NRG1: variants seen among roughly 807,000 people sequenced by gnomAD.
The protein encoded by NRG1 is neuregulin 1.
NRG1 carries 18 observed loss-of-function variants against 63.8 expected under a neutral mutation model. The observed-to-expected ratio is 0.28, with a 90% CI of 0.19 to 0.42. The LOEUF (loss-of-function observed/expected upper bound fraction) is 0.42. Ranked by LOEUF, NRG1 falls within the 10% of genes least tolerant of loss-of-function variation. The probability of loss-of-function intolerance (pLI) is 1.00; values close to 1 mark genes in which losing one functional copy is unlikely to be tolerated. For synonymous variants in NRG1, 302 were observed against 301.3 expected, an observed-to-expected ratio of 1.00 and a Z score of -0.02; for missense variants, 762 against 814.7, an observed-to-expected ratio of 0.94 and a Z score of 0.79.
At chr8:31,868,514 T>C (rs1365944291) in intron 1 of NRG1, among the ~76,000 whole-genome samples, 1 of 152,132 alleles carries the variant, frequency 6.6e-6, no homozygotes, top group Non-Finnish European at 1.5e-5. Flanking sequence ...AGACCTACAT[T>C]TGTCAGTGAC....
intron 1 of NRG1, among the ~76,000 whole-genome samples, chr8:31,879,570 A>G (rs1170099523): frequency 6.6e-6 from 1 of 152,162 alleles, no homozygotes; most frequent in Non-Finnish European, 1.5e-5. Flanking sequence ...TTATTTAAAA[A>G]ATGTGATTTT....
chr8:32,608,083 G>GTTTT (rs372730003), intron 3 of NRG1, among the ~76,000 whole-genome samples: 6 of 99,324 alleles, frequency 6.0e-5, no homozygotes, highest in African/African-American at 2.7e-4. Context: ...ATGAACCCAG[G>GTTTT]TTTTTTTTGT....
At chr8:31,887,146 C>G (rs1830779896) in intron 1 of NRG1, among the ~76,000 whole-genome samples, 1 of 151,998 alleles carries the variant, frequency 6.6e-6, no homozygotes, top group Non-Finnish European at 1.5e-5. Context: ...TTAGTTTTGT[C>G]CTGTTTCCTG....
At chr8:32,677,847 T>A (rs1807571299) in intron 5 of NRG1, among the ~76,000 whole-genome samples, 1 of 152,130 alleles carries the variant, frequency 6.6e-6, no homozygotes, top group South Asian at 2.1e-4. Flanking sequence ...ATCGCACTTA[T>A]AAAGTCAAGA....
intron 1 of NRG1, among the ~76,000 whole-genome samples, chr8:31,900,721 C>G (rs370234885): frequency 6.6e-6 from 1 of 152,196 alleles, no homozygotes; most frequent in Non-Finnish European, 1.5e-5. Context: ...TAAACTCCCA[C>G]TCCACCCCCT....
At chr8:32,368,323 T>A (rs1808354785) in intron 1 of NRG1, among the ~76,000 whole-genome samples, 1 of 152,100 alleles carries the variant, frequency 6.6e-6, no homozygotes, top group Non-Finnish European at 1.5e-5. Context: ...AATCCCATTG[T>A]TTTGGAAGGT....
chr8:32,498,205 A>T (rs987467866), intron 1 of NRG1, among the ~76,000 whole-genome samples: 1 of 152,218 alleles, frequency 6.6e-6, no homozygotes, highest in Admixed American at 6.5e-5. Context: ...TAGGGGGTTT[A>T]TAAACCCTTC....
chr8:31,769,519 G>A (rs771514602), intron 1 of NRG1, among the ~76,000 whole-genome samples: 13 of 152,152 alleles, frequency 8.5e-5, no homozygotes, highest in South Asian at 6.2e-4. Flanking sequence ...AGAGGGTGGC[G>A]TTAGGCAGAA....
chr8:32,211,514 A>G (rs889739645), intron 1 of NRG1, among the ~76,000 whole-genome samples: 3 of 152,140 alleles, frequency 2.0e-5, no homozygotes, highest in African/African-American at 7.2e-5. Flanking sequence ...CACTTTACAC[A>G]ACTGATGGTA....
intron 5 of NRG1, among the ~76,000 whole-genome samples, chr8:32,632,069 T>C (rs1473205112): frequency 6.6e-6 from 1 of 152,202 alleles, no homozygotes; most frequent in Non-Finnish European, 1.5e-5. Flanking sequence ...CTTCAAAGTG[T>C]TTATAAACTT....
intron 1 of NRG1, among the ~76,000 whole-genome samples, chr8:32,513,554 T>C (rs1399927719): frequency 6.6e-6 from 1 of 152,104 alleles, no homozygotes; most frequent in Non-Finnish European, 1.5e-5. Flanking sequence ...AATGGGTCAA[T>C]GGAATTGATT....
At chr8:32,429,678 A>T (rs188702442) in intron 1 of NRG1, among the ~76,000 whole-genome samples, 65 of 152,248 alleles carry the variant, frequency 4.3e-4, no homozygotes, top group African/African-American at 1.5e-3. Context: ...CGCATGGGCA[A>T]TACCGTAAAC....
intron 1 of NRG1, among the ~76,000 whole-genome samples, chr8:32,141,899 C>T (rs1239402639): frequency 1.3e-5 from 2 of 151,950 alleles, no homozygotes; most frequent in African/African-American, 2.4e-5. Context: ...GCCTAATTTT[C>T]CTGATGCTGT....
intron 1 of NRG1, among the ~76,000 whole-genome samples, chr8:31,947,406 A>T (rs1802749416): frequency 6.6e-6 from 1 of 151,536 alleles, no homozygotes; most frequent in Non-Finnish European, 1.5e-5. Context: ...CCCAGTCTTC[A>T]GCTATGTTGT....
At chr8:32,027,544 G>T (rs1401692092) in intron 1 of NRG1, among the ~76,000 whole-genome samples, 1 of 134,480 alleles carries the variant, frequency 7.4e-6, no homozygotes, top group Non-Finnish European at 1.6e-5. Flanking sequence ...GCTCATGCTT[G>T]TGTGTCCCTA....
chr8:32,479,360 C>T (rs980420109), intron 1 of NRG1, among the ~76,000 whole-genome samples: 2 of 151,790 alleles, frequency 1.3e-5, no homozygotes, highest in African/African-American at 4.8e-5. Context: ...GCCTGTAATC[C>T]CAGCTAGTCA....
intron 1 of NRG1, among the ~76,000 whole-genome samples, chr8:31,743,057 G>A (rs1815459864): frequency 6.6e-6 from 1 of 152,042 alleles, no homozygotes; most frequent in Non-Finnish European, 1.5e-5. Flanking sequence ...AAGGGTGACA[G>A]TCCAGTCCCA....
At chr8:32,112,388 C>G (rs1832145252) in intron 1 of NRG1, among the ~76,000 whole-genome samples, 1 of 152,178 alleles carries the variant, frequency 6.6e-6, no homozygotes, top group African/African-American at 2.4e-5. Context: ...GAGTTGAATG[C>G]TGTTGTGAAT....
chr8:32,445,555 G>A (rs1820131330), intron 1 of NRG1, among the ~76,000 whole-genome samples: 1 of 152,014 alleles, frequency 6.6e-6, no homozygotes, highest in African/African-American at 2.4e-5. Context: ...GCAGTTCAAG[G>A]CCTAAATATT....
Sources: allele counts gnomAD v4.1 joint callset (sites outside exome capture counted in the v4.1 genomes callset), GRCh38; gene constraint gnomAD v4.1.1; transcripts MANE v1.5; gene names NCBI Gene and HGNC (gene_info 2026-07-23, HGNC 2026-07-21).